Variants in MFRP observed in about 807,000 individuals in gnomAD.
MFRP encodes membrane frizzled-related protein.
Under a neutral mutation model 65.8 loss-of-function variants are expected in MFRP, and 74 were observed. That is an observed-to-expected ratio of 1.12 (90% CI 0.93 to 1.36). The LOEUF (loss-of-function observed/expected upper bound fraction) is 1.36, where lower values mean the gene tolerates loss of function less well. Among genes scored for constraint, MFRP ranks in the 40% most tolerant of loss-of-function variants. The probability of loss-of-function intolerance (pLI) is 0.00; values close to 1 mark genes in which losing one functional copy is unlikely to be tolerated. For synonymous variants in MFRP, 336 were observed against 288.3 expected, an observed-to-expected ratio of 1.17 and a Z score of -1.68; for missense variants, 838 against 736.0, an observed-to-expected ratio of 1.14 and a Z score of -1.60.
At position 119,346,378 on chromosome 11, in the gene MFRP, G is replaced by A. The variant is rs1379804076; in HGVS notation, c.55-4C>T. ...AGGCAGGATTGCAGAACTCGGTCTGGAAGGGGGAGATACTTGAGGGCTGAG... is the reference window on the plus strand; with the variant it reads ...AGGCAGGATTGCAGAACTCGGTCTGAAAGGGGGAGATACTTGAGGGCTGAG... On this transcript the variant is annotated splice_polypyrimidine_tract_variant and splice_region_variant and intron_variant, in intron 1 of 14. Coordinates refer to ENST00000619721, the MANE Select transcript of MFRP (RefSeq NM_031433.4). 6.2e-7 allele frequency: 1 copy of A among 1,613,954 alleles called. No individual in the cohort carries two copies. Among genetic ancestry groups the A allele is most frequent in the South Asian group, 1.1e-5 (1 of 91,056 alleles).
chr11:119,342,942 A>G lies in MFRP; in HGVS notation c.1186T>C (p.Phe396Leu). ...VSSHHELAVL[F>L]RTDHGISSGG... ...CTGCTGATGCCATGATCTGTCCTAA[A>G]CAGCACAGCCAGCTCATGGTGCGAG... Residue 396 changes from phenylalanine (F) to leucine (L), a missense_variant, in exon 10 of 15, where the codon TTT (phenylalanine) becomes CTT (leucine). Transcript: ENST00000619721. The G allele has an allele frequency of 2.5e-6, 4 of 1,612,450 alleles. No individual in the cohort carries two copies. Among genetic ancestry groups the G allele is most frequent in the Non-Finnish European group, 2.5e-6 (3 of 1,179,720 alleles).
intron 5 of MFRP, 81 bp from the exon 6 acceptor site, chr11:119,345,085 C>A: frequency 1.3e-6 from 2 of 1,532,864 alleles, no homozygotes; most frequent in Non-Finnish European, 8.8e-7. Flanking sequence ...CCTTGCAGTC[C>A]TATTTTCTCA....
chr11:119,344,025 C>T, intron 8 of MFRP, 61 bp from the exon 9 acceptor site: 2 of 1,603,122 alleles, frequency 1.2e-6, no homozygotes, highest in Non-Finnish European at 8.5e-7. Flanking sequence ...CCCGGGCACC[C>T]AGAAGGGTCT....
At chr11:119,342,082 C>T (rs904572839) in intron 11 of MFRP, 98 bp from the exon 12 acceptor site, 1 of 1,467,546 alleles carries the variant, frequency 6.8e-7, no homozygotes, top group Non-Finnish European at 9.4e-7. Flanking sequence ...GTACATGGGT[C>T]CAATGGGGGT....
chr11:119,340,227 G>A lies in MFRP; in HGVS notation c.*1067C>T. Reference sequence around the variant, plus strand: ...CTTTCTCTCCCGGAGCCCCGGGCGCGCCGTCGCGGCCGTCGCGGCCATCGC... The same window carrying A: ...CTTTCTCTCCCGGAGCCCCGGGCGCACCGTCGCGGCCGTCGCGGCCATCGC... On this transcript the variant is annotated 3_prime_UTR_variant, in exon 14 of 15. Transcript: ENST00000619721. 1 of 1,511,738 alleles carries A rather than the reference G, an allele frequency of 6.6e-7. No homozygotes were observed. Among genetic ancestry groups the A allele is most frequent in the African/African-American group, 1.5e-5 (1 of 68,778 alleles). The allele number at this position is 1,511,738 out of a possible 1,614,324, so 93.6% of individuals were successfully genotyped here. A position where few individuals can be genotyped will look rare whatever the true frequency, so the allele number is the denominator to read the frequency against.
chr11:119,346,290 C>T lies in MFRP; in HGVS notation c.139G>A (p.Val47Ile), dbSNP rs143802236. Residue 47 changes from valine (V) to isoleucine (I), a missense_variant, in exon 2 of 15, where the codon GTC (valine) becomes ATC (isoleucine). By Grantham distance (29) the Val-to-Ile change is conservative. Coordinates refer to ENST00000619721, the MANE Select transcript of MFRP (RefSeq NM_031433.4). ...TGGTTACCATGCCAGGGAGCTGGGACGCTGTAGCTGGCATCCTCTGGGAAA... is the reference window on the plus strand; with the variant it reads ...TGGTTACCATGCCAGGGAGCTGGGATGCTGTAGCTGGCATCCTCTGGGAAA... Reference protein sequence around the residue: ...PVFPEDASYSVPAPWHGRRPR... With the variant: ...PVFPEDASYSIPAPWHGRRPR... 1.4e-5 allele frequency: 23 copies of T among 1,613,292 alleles called. No homozygotes were observed. Among genetic ancestry groups the T allele is most frequent in the African/African-American group, 8.0e-5 (6 of 74,850 alleles).
chr11:119,342,506 G>T, intron 11 of MFRP, 90 bp downstream of exon 11: 1 of 1,536,748 alleles, frequency 6.5e-7, no homozygotes, highest in Non-Finnish European at 8.8e-7. Context: ...CCCTCAGGGA[G>T]GTTGGGATGG....
Position 119,346,671 on chromosome 11 carries a change from A to G in MFRP, c.-158T>C, listed in dbSNP as rs1488859554. On this transcript the variant is annotated 5_prime_UTR_variant, in exon 1 of 15. Coordinates refer to ENST00000619721, the MANE Select transcript of MFRP (RefSeq NM_031433.4). ...CCAGTTCTTGGGCTGTCCTTGGTAG[A>G]GTGGTTTGGCCTATGGGCTACTCTG... 3 of 747,864 alleles carry G rather than the reference A, an allele frequency of 4.0e-6. No individual in the cohort carries two copies. Among genetic ancestry groups the G allele is most frequent in the Non-Finnish European group, 7.0e-6 (3 of 425,914 alleles). 46.3% of individuals were successfully genotyped at this position (747,864 alleles called of 1,614,324 possible). A position where few individuals can be genotyped will look rare whatever the true frequency, so the allele number is the denominator to read the frequency against.
Position 119,342,664 on chromosome 11 carries a change from C to T in MFRP, c.1319G>A (p.Cys440Tyr). The T allele has an allele frequency of 6.2e-7, 1 of 1,613,736 alleles. No individual in the cohort carries two copies. The highest frequency in any genetic ancestry group is 8.5e-7 in the Non-Finnish European group (1 of 1,179,972). Residue 440 changes from cysteine (C) to tyrosine (Y), a missense_variant, in exon 11 of 15, where the codon TGT becomes TAT. Coordinates refer to ENST00000619721, the MANE Select transcript of MFRP (RefSeq NM_031433.4). ...ATCGGTGCAGTCTCTCCACATGTCA[C>T]ACATCCACTGCACACCCTTACACCC... is the stretch of plus-strand genomic sequence containing the variant. ...AGGCKGVQWM[C>Y]DMWRDCTDGS... is the part of the protein sequence containing the mutation.
Position 119,339,720 on chromosome 11 carries a change from C to G in MFRP, c.*1239G>C, listed in dbSNP as rs772324838. The G allele has an allele frequency of 1.2e-6, 2 of 1,601,938 alleles. No individual in the cohort carries two copies. Among genetic ancestry groups the G allele is most frequent in the Non-Finnish European group, 1.7e-6 (2 of 1,178,558 alleles). On this transcript the variant is annotated 3_prime_UTR_variant, in exon 15 of 15. Transcript: ENST00000619721. The surrounding 1 kb of genome is among the most constrained non-coding windows in gnomAD (Gnocchi z 5.4). ...AAGGGTGCGTCAGACGGCGGAGGCA[C>G]CCGGCTCTCGGAGCGCTTGGCGCTG...
In MFRP at chr11:119,342,602, G is replaced by A; in HGVS notation, c.1381C>T (p.Pro461Ser). 1.2e-6 allele frequency: 2 copies of A among 1,613,220 alleles called. No individual in the cohort carries two copies. The highest frequency in any genetic ancestry group is 1.7e-6 in the Non-Finnish European group (2 of 1,179,862). Reference sequence around the variant, plus strand: ...CCAGGGGCAGGCTTCTCACCTGGGGGTGGGAACAAGGGGCCGCTGCAGTTG... The same window carrying A: ...CCAGGGGCAGGCTTCTCACCTGGGGATGGGAACAAGGGGCCGCTGCAGTTG... ...DDNCSGPLFPPPELACEPVQV... is the reference protein window; with the variant it reads ...DDNCSGPLFPSPELACEPVQV... Residue 461 changes from proline (P) to serine (S), a missense_variant, in exon 11 of 15, where the codon CCC (proline) becomes TCC (serine). Coordinates refer to ENST00000619721, the MANE Select transcript of MFRP (RefSeq NM_031433.4).
At chr11:119,344,477 T>C in intron 7 of MFRP, 86 bp from the exon 8 acceptor site, 1 of 1,558,336 alleles carries the variant, frequency 6.4e-7, no homozygotes, top group Non-Finnish European at 8.8e-7. Flanking sequence ...AGCGAGAGTT[T>C]TGGCCATGCC....
Position 119,342,860 on chromosome 11 carries a change from C to T in MFRP, c.1255+13G>A, listed in dbSNP as rs776266547. The T allele has an allele frequency of 1.5e-5, 24 of 1,613,006 alleles. No homozygotes were observed. The Admixed American group carries it at 3.3e-4, about 22-fold the overall frequency. The stretch of plus-strand genomic sequence containing the variant: ...CCTCTACTGCCCCCACCCACTTGCC[C>T]AGGGGCACCTACTCTCCGTGGCATT... On this transcript the variant is annotated intron_variant, in intron 10 of 14. Coordinates refer to ENST00000619721, the MANE Select transcript of MFRP (RefSeq NM_031433.4).
chr11:119,340,513 C>T, intron 13 of MFRP, 73 bp from the exon 14 acceptor site: 1 of 1,141,642 alleles, frequency 8.8e-7, no homozygotes, highest in Non-Finnish European at 1.2e-6. Flanking sequence ...CCGGCGCGGC[C>T]CAGTCGGTCC....
In MFRP at chr11:119,340,784, C is replaced by T. The variant is rs1028476413; in HGVS notation, c.*764G>A. On this transcript the variant is annotated 3_prime_UTR_variant, in exon 13 of 15. Coordinates refer to ENST00000619721, the MANE Select transcript of MFRP (RefSeq NM_031433.4). ...GGTGCTCCAGCCCCCGCGCTTCTCC[C>T]CGGCCAGGCGCCCCCTGCCCTGCCG... The T allele has an allele frequency of 8.1e-6, 2 of 248,382 alleles. No individual in the cohort carries two copies. The highest frequency in any genetic ancestry group is 1.6e-5 in the Non-Finnish European group (2 of 128,068). 15.4% of individuals were successfully genotyped at this position (248,382 alleles called of 1,614,324 possible). A position where few individuals can be genotyped will look rare whatever the true frequency, so the allele number is the denominator to read the frequency against.
intron 13 of MFRP, 26 bp from the exon 14 acceptor site, chr11:119,340,466 G>A (rs952373600): frequency 6.1e-6 from 9 of 1,481,222 alleles, no homozygotes; most frequent in East Asian, 5.0e-5. Flanking sequence ...GACTGGAGTC[G>A]GGACCCAGAA....
At chr11:119,345,081 A>G in intron 5 of MFRP, 77 bp from the exon 6 acceptor site, 3 of 1,542,602 alleles carry the variant, frequency 1.9e-6, no homozygotes, top group Non-Finnish European at 1.8e-6. Context: ...TGGGCCTTGC[A>G]GTCCTATTTT....
Position 119,345,010 on chromosome 11 carries a change from A to C in MFRP, c.642-6T>G. ...GAGGCACCCTTCCACAAACCCTGCA[A>C]GAAGCCAGGTTGGGGGTGAGGGAGG... On this transcript the variant is annotated splice_region_variant and splice_polypyrimidine_tract_variant and intron_variant, in intron 5 of 14. Transcript: ENST00000619721. The C allele has an allele frequency of 1.9e-6, 3 of 1,602,210 alleles. No individual in the cohort carries two copies. Among genetic ancestry groups the C allele is most frequent in the Non-Finnish European group, 2.6e-6 (3 of 1,175,732 alleles).
chr11:119,341,424 C>T lies in MFRP; in HGVS notation c.*124G>A. ...CCAGCTGAGGACTTCTCTTCCCCCT[C>T]CCTGGGAGCCCCAGAGAAGGATGGG... On this transcript the variant is annotated 3_prime_UTR_variant, in exon 13 of 15. Transcript: ENST00000619721. 1 of 795,266 alleles carries T rather than the reference C, an allele frequency of 1.3e-6. No individual in the cohort carries two copies. The highest frequency in any genetic ancestry group is 1.7e-5 in the South Asian group (1 of 57,956). The allele number at this position is 795,266 out of a possible 1,614,324, so 49.3% of individuals were successfully genotyped here. A position where few individuals can be genotyped will look rare whatever the true frequency, so the allele number is the denominator to read the frequency against.
Sources: gnomAD v4.1 joint callset for allele counts on GRCh38, gnomAD v4.1.1 for gene constraint, Gnocchi (gnomAD v3.1) non-coding constraint, MANE v1.5 for transcripts, NCBI Gene and HGNC (gene_info 2026-07-23, HGNC 2026-07-21) for gene names.